Variants in MYO5A observed in about 807,000 individuals in gnomAD.
MYO5A encodes unconventional myosin-Va.
MYO5A carries 98 observed loss-of-function variants against 249.7 expected under a neutral mutation model. The ratio of observed to expected loss-of-function variants is 0.39; its 90% confidence interval spans 0.33 to 0.46. MYO5A has a LOEUF of 0.46. MYO5A is among the 20% of genes least tolerant of loss of function. The pLI is 0.98. For synonymous variants in MYO5A, 778 were observed against 810.6 expected, an observed-to-expected ratio of 0.96 and a Z score of 0.68; for missense variants, 1,696 against 2,308.8, an observed-to-expected ratio of 0.73 and a Z score of 5.44.
intron 31 of MYO5A, among the ~76,000 whole-genome samples, chr15:52,341,186 T>C (rs934959522): frequency 1.3e-5 from 2 of 152,198 alleles, no homozygotes; most frequent in African/African-American, 4.8e-5. Flanking sequence ...GAGGGAATTA[T>C]ATTCTACTCC....
At chr15:52,387,698 T>C in intron 14 of MYO5A, 131 bp downstream of exon 14, 1 of 699,726 alleles carries the variant, frequency 1.4e-6, no homozygotes, top group Non-Finnish European at 2.5e-6. Flanking sequence ...TTACTTTGAC[T>C]AACATACTAA....
At position 52,428,423 on chromosome 15, in the gene MYO5A, A is replaced by C; in HGVS notation, c.285T>G (p.Asp95Glu). The C allele has an allele frequency of 6.2e-7, 1 of 1,614,198 alleles. No homozygotes were observed. Among genetic ancestry groups the C allele is most frequent in the Non-Finnish European group, 8.5e-7 (1 of 1,180,008 alleles). The change falls in exon 3 of 42, where the codon GAT becomes GAG. Residue 95 changes from aspartate to glutamate, a missense_variant. This residue lies in a region of MYO5A where 197 missense variants were observed against 320.3 expected (regional missense o/e 0.62). Coordinates refer to ENST00000399233, the MANE Select transcript of MYO5A (RefSeq NM_001382347.1). ...VLHNLRVRFI[D>E]SKLIYTYCGI... ...CACAATACGTATAAATAAGTTTGGA[A>C]TCAATAAAGCGGACTCTGAGATTAT...
At chr15:52,406,262 CT>C (rs1264529087) in intron 8 of MYO5A, among the ~76,000 whole-genome samples, 2 of 152,046 alleles carry the variant, frequency 1.3e-5, no homozygotes, top group Non-Finnish European at 2.9e-5. Flanking sequence ...TGCATTATGG[CT>C]TTTTCTTTTT....
intron 24 of MYO5A, among the ~76,000 whole-genome samples, chr15:52,360,285 G>T (rs1484611762): frequency 6.6e-6 from 1 of 152,186 alleles, no homozygotes; most frequent in Non-Finnish European, 1.5e-5. Context: ...GACAGGACAA[G>T]AACAGTTGCA....
intron 14 of MYO5A, among the ~76,000 whole-genome samples, chr15:52,385,442 C>T (rs4776043): frequency 0.91 from 138,414 of 152,142 alleles, 64,344 homozygotes; most frequent in East Asian, 1. Context: ...AACTGAAATT[C>T]AGTGGTATTT....
At chr15:52,352,715 G>A (rs149388379) in intron 27 of MYO5A, among the ~76,000 whole-genome samples, 73 of 152,072 alleles carry the variant, frequency 4.8e-4, no homozygotes, top group African/African-American at 1.6e-3. Context: ...CCTGGGAGGC[G>A]GTGCTTGCAG....
chr15:52,328,712 T>C (rs987284105), intron 35 of MYO5A, among the ~76,000 whole-genome samples: 1 of 152,210 alleles, frequency 6.6e-6, no homozygotes, highest in African/African-American at 2.4e-5. Context: ...TCCAAGCAGC[T>C]TCTCATGTCA....
chr15:52,381,853 T>C (rs2041756791), intron 16 of MYO5A, among the ~76,000 whole-genome samples: 1 of 151,756 alleles, frequency 6.6e-6, no homozygotes, highest in African/African-American at 2.4e-5. Context: ...GAACAATGTA[T>C]GACAGTTAAT....
intron 4 of MYO5A, among the ~76,000 whole-genome samples, 195 bp from the exon 5 acceptor site, chr15:52,416,496 T>A (rs991992622): frequency 1.3e-4 from 20 of 152,000 alleles, no homozygotes; most frequent in African/African-American, 1.9e-4. Context: ...TATATATATT[T>A]TTTTTAAGGA....
At chr15:52,317,939 T>C (rs1859913923) in intron 39 of MYO5A, among the ~76,000 whole-genome samples, 1 of 152,192 alleles carries the variant, frequency 6.6e-6, no homozygotes, top group Admixed American at 6.5e-5. Flanking sequence ...AGCATAATAT[T>C]GCGACAGGTG....
rs145815850 is a variant in MYO5A at position 52,483,116 on chromosome 15, G to A, written c.27+45664C>T. ...TTTCTGGTACACCACTGCTAATGGG[G>A]TCAGAACTGTCAATGTGTCTACACC... On this transcript the variant is annotated intron_variant, in intron 1 of 41. Transcript: ENST00000399233. 3.3e-5 allele frequency among the ~76,000 whole-genome samples: 5 copies of A among 152,284 alleles called. No individual in the cohort carries two copies. The East Asian group carries it at 9.6e-4, about 29-fold the overall frequency.
rs190101444 is a variant in MYO5A, at chr15:52,445,032, G to C, written c.28-11747C>G. 2.3e-3 allele frequency among the ~76,000 whole-genome samples: 342 copies of C among 151,610 alleles called. 3 individuals carry two copies. Among genetic ancestry groups the C allele is most frequent in the African/African-American group, 7.6e-3 (316 of 41,486 alleles). The stretch of plus-strand genomic sequence containing the variant: ...GCAGCTCCCTTTGTGTTGCTCCCCA[G>C]CTTTGGGAATCGACACTTCTAGGTC... On this transcript the variant is annotated intron_variant, in intron 1 of 41. Transcript: ENST00000399233.
At chr15:52,337,789 A>G (rs747653373) in intron 33 of MYO5A, 21 bp downstream of exon 33, 13 of 1,507,334 alleles carry the variant, frequency 8.6e-6, no homozygotes, top group Non-Finnish European at 1.2e-5. Context: ...GACAGCAGAA[A>G]AGCACTATGG....
At chr15:52,398,798 G>A (rs1269091345) in intron 9 of MYO5A, among the ~76,000 whole-genome samples, 3 of 152,138 alleles carry the variant, frequency 2.0e-5, no homozygotes, top group African/African-American at 7.2e-5. Flanking sequence ...AGACCAGCCT[G>A]GCCAACATGG....
chr15:52,520,140 G>A (rs2077586753), intron 1 of MYO5A, among the ~76,000 whole-genome samples: 2 of 152,196 alleles, frequency 1.3e-5, no homozygotes, highest in Admixed American at 1.3e-4. Flanking sequence ...AGGAGGGGTA[G>A]AATTCCATGA....
chr15:52,332,685 C>T (rs543719366), intron 34 of MYO5A, among the ~76,000 whole-genome samples: 125 of 152,174 alleles, frequency 8.2e-4, no homozygotes, highest in Middle Eastern at 6.8e-3. Context: ...AAATGTTGGC[C>T]GGGCACAGTG....
chr15:52,357,054 TAA>T (rs1199415073), intron 25 of MYO5A, among the ~76,000 whole-genome samples: 1 of 152,074 alleles, frequency 6.6e-6, no homozygotes, highest in Non-Finnish European at 1.5e-5. Flanking sequence ...ATCTTTATAA[TAA>T]AGTCTGTCCT....
In MYO5A at chr15:52,372,113, G is replaced by C. The variant is rs766606440; in HGVS notation, c.2817+11C>G. The C allele has an allele frequency of 1.2e-6, 2 of 1,613,394 alleles. No homozygotes were observed. Among genetic ancestry groups the C allele is most frequent in the South Asian group, 2.2e-5 (2 of 91,054 alleles). ...CATACTCCACTCTCAGGGCCCCTTTGTGAAACACACCTGCTCATCAACTTT... is the reference window on the plus strand; with the variant it reads ...CATACTCCACTCTCAGGGCCCCTTTCTGAAACACACCTGCTCATCAACTTT... On this transcript the variant is annotated intron_variant, in intron 21 of 41. Transcript: ENST00000399233.
At chr15:52,478,133 C>T (rs960537801) in intron 1 of MYO5A, among the ~76,000 whole-genome samples, 13 of 152,242 alleles carry the variant, frequency 8.5e-5, no homozygotes, top group Admixed American at 3.3e-4. Context: ...CCCCCAGCCT[C>T]GCTGCCACCT....
Sources: gnomAD v4.1 joint callset for allele counts (sites outside exome capture counted in the v4.1 genomes callset) on GRCh38, gnomAD v4.1.1 for gene constraint, gnomAD v4.1.1 regional missense constraint, MANE v1.5 for transcripts, NCBI Gene and HGNC (gene_info 2026-07-23, HGNC 2026-07-21) for gene names.